PDE4B: variants seen among roughly 807,000 people sequenced by gnomAD.
The protein encoded by PDE4B is 3',5'-cyclic-AMP phosphodiesterase 4B.
In PDE4B, 20 loss-of-function variants were observed where a neutral mutation model predicts 82.2. The ratio of observed to expected loss-of-function variants is 0.24; its 90% CI spans 0.17 to 0.35. The LOEUF (loss-of-function observed/expected upper bound fraction) is 0.35, where lower values mean the gene tolerates loss of function less well. Ranked by LOEUF, PDE4B falls within the 10% of genes least tolerant of loss-of-function variation. The pLI is 1.00. For missense variants in PDE4B, 655 were observed against 907.2 expected (o/e 0.72, Z 3.57); for synonymous variants, 320 against 318.9 (o/e 1.00, Z -0.04).
chr1:66,354,554 C>T, intron 8 of PDE4B: 1 of 1,198,160 alleles, frequency 8.3e-7, no homozygotes, highest in East Asian at 4.2e-5. Context: ...TCAAACCAGC[C>T]AGCTGAATAC....
chr1:65,950,677 T>C (rs928861970), intron 3 of PDE4B, among the ~76,000 whole-genome samples: 3 of 152,018 alleles, frequency 2.0e-5, no homozygotes, highest in Non-Finnish European at 2.9e-5. Flanking sequence ...CAGGAGGTCA[T>C]TGGCTGAGTC....
chr1:65,928,579 C>T (rs978820555), intron 3 of PDE4B, among the ~76,000 whole-genome samples: 3 of 152,190 alleles, frequency 2.0e-5, no homozygotes, highest in African/African-American at 4.8e-5. Context: ...GCAGTTCCCA[C>T]TGTTAGATCT....
intron 3 of PDE4B, among the ~76,000 whole-genome samples, chr1:66,229,278 G>C (rs981172244): frequency 6.6e-6 from 1 of 152,064 alleles, no homozygotes; most frequent in Non-Finnish European, 1.5e-5. Flanking sequence ...CAAAGTGCTG[G>C]GATTACAGGC....
At chr1:66,005,009 C>T (rs1428804209) in intron 3 of PDE4B, among the ~76,000 whole-genome samples, 1 of 151,730 alleles carries the variant, frequency 6.6e-6, no homozygotes, top group Admixed American at 6.6e-5. Context: ...GGTTGAGAAG[C>T]ATGGGAAAAG....
intron 7 of PDE4B, among the ~76,000 whole-genome samples, chr1:66,283,162 TC>T (rs1656415524): frequency 6.6e-6 from 1 of 152,140 alleles, no homozygotes; most frequent in South Asian, 2.1e-4. Context: ...AGATCCCAGT[TC>T]TACTATTTTT....
At chr1:66,279,118 A>G (rs1323780729) in intron 7 of PDE4B, among the ~76,000 whole-genome samples, 1 of 152,114 alleles carries the variant, frequency 6.6e-6, no homozygotes, top group Non-Finnish European at 1.5e-5. Context: ...TAGGCCCCTT[A>G]AATCTAATTT....
intron 3 of PDE4B, among the ~76,000 whole-genome samples, chr1:66,196,879 T>C (rs1381870986): frequency 2.6e-5 from 4 of 151,112 alleles, no homozygotes; most frequent in Non-Finnish European, 2.9e-5. Flanking sequence ...TTAGTGGGGG[T>C]AGCGCACCAG....
In PDE4B at chr1:66,247,595, C is replaced by G. The variant is rs1040118161; in HGVS notation, c.417C>G (p.Asp139Glu). ...GAGAGTCATTTCTCTACAGATCAGA[C>G]AGCGACTATGACTTGTCACCAAAGG... is the stretch of plus-strand genomic sequence containing the variant. ...QRRESFLYRS[D>E]SDYDLSPKAM... Residue 139 changes from aspartate to glutamate, a missense_variant, in exon 4 of 17, where the codon GAC becomes GAG. Physicochemically the swap from Asp to Glu is conservative, Grantham distance 45 (BLOSUM62 2). This residue lies in a region of PDE4B where 253 missense variants were observed against 275.6 expected (regional missense o/e 0.92). Coordinates refer to ENST00000341517, the MANE Select transcript of PDE4B (RefSeq NM_002600.4). 4 of 1,609,484 alleles carry G rather than the reference C, an allele frequency of 2.5e-6. No individual in the cohort carries two copies. Among genetic ancestry groups the G allele is most frequent in the Non-Finnish European group, 3.4e-6 (4 of 1,177,664 alleles).
At chr1:65,809,097 G>A (rs1645789601) in intron 1 of PDE4B, among the ~76,000 whole-genome samples, 1 of 152,044 alleles carries the variant, frequency 6.6e-6, no homozygotes, top group Admixed American at 6.6e-5. Flanking sequence ...TTGGGATGCT[G>A]AGGCGGGTGG....
intron 8 of PDE4B, among the ~76,000 whole-genome samples, chr1:66,346,715 A>G (rs1325531669): frequency 6.6e-6 from 1 of 152,206 alleles, no homozygotes; most frequent in Non-Finnish European, 1.5e-5. Context: ...GAAGGTGTTC[A>G]AGTATCAAAG....
intron 7 of PDE4B, among the ~76,000 whole-genome samples, chr1:66,317,655 G>T (rs1444809691): frequency 1.3e-5 from 2 of 152,030 alleles, no homozygotes; most frequent in Admixed American, 6.5e-5. Flanking sequence ...CCAATACTGT[G>T]GGAGGCCAAG....
At chr1:65,876,013 A>G (rs1489044149) in intron 1 of PDE4B, among the ~76,000 whole-genome samples, 2 of 152,064 alleles carry the variant, frequency 1.3e-5, no homozygotes, top group Non-Finnish European at 2.9e-5. Context: ...TCTCATCTTC[A>G]TTCAATTGCT....
chr1:66,204,514 C>A (rs1282985464), intron 3 of PDE4B, among the ~76,000 whole-genome samples: 3 of 152,264 alleles, frequency 2.0e-5, no homozygotes, highest in African/African-American at 7.2e-5. Context: ...AGCTTCCTGG[C>A]TGCTTTGTTT....
chr1:65,955,646 G>T (rs938190017), intron 3 of PDE4B, among the ~76,000 whole-genome samples: 1 of 152,070 alleles, frequency 6.6e-6, no homozygotes, highest in Non-Finnish European at 1.5e-5. Context: ...CAAGAGCAGG[G>T]TGTTATCCTT....
intron 8 of PDE4B, among the ~76,000 whole-genome samples, chr1:66,333,757 T>A (rs1343073829): frequency 4.6e-5 from 7 of 152,114 alleles, no homozygotes; most frequent in Admixed American, 2.6e-4. Context: ...CAGTGTGTCC[T>A]CAGGAGATCC....
Position 65,918,579 on chromosome 1 carries a change from TC to T in PDE4B, c.43-15del, listed in dbSNP as rs1031416830. On this transcript the variant is annotated splice_polypyrimidine_tract_variant and intron_variant, in intron 2 of 16. Coordinates refer to ENST00000341517, the MANE Select transcript of PDE4B (RefSeq NM_002600.4). ...ATTTTCTTTCTCTTCTTTTTTTCTT[TC>T]CCTGTGGTTCCTCCAGAATGTTAAA... The T allele has an allele frequency of 2.9e-6, 4 of 1,377,292 alleles. No homozygotes were observed. Among genetic ancestry groups the T allele is most frequent in the Non-Finnish European group, 4.1e-6 (4 of 966,358 alleles). 85.3% of individuals were successfully genotyped at this position (1,377,292 alleles called of 1,614,324 possible). A position where few individuals can be genotyped will look rare whatever the true frequency, so the allele number is the denominator to read the frequency against.
intron 9 of PDE4B, 110 bp downstream of exon 9, chr1:66,355,730 G>T (rs1662184901): frequency 1.9e-6 from 1 of 516,108 alleles, no homozygotes; most frequent in Non-Finnish European, 3.5e-6. Context: ...TTGAGTCATA[G>T]AAAAATCCAT....
intron 3 of PDE4B, chr1:66,112,777 A>G (rs561675262): frequency 5.3e-5 from 8 of 152,308 alleles, no homozygotes; most frequent in South Asian, 4.1e-4. Flanking sequence ...CAGTTTACCA[A>G]TGGCTTCATG....
At chr1:65,843,546 A>G (rs1418192863) in intron 1 of PDE4B, among the ~76,000 whole-genome samples, 4 of 152,188 alleles carry the variant, frequency 2.6e-5, no homozygotes, top group Non-Finnish European at 4.4e-5. Flanking sequence ...GGGACATGGA[A>G]GAATGTTCAT....
Sources: gnomAD v4.1 joint callset for allele counts (sites outside exome capture counted in the v4.1 genomes callset) on GRCh38, gnomAD v4.1.1 for gene constraint, gnomAD v4.1.1 regional missense constraint, MANE v1.5 for transcripts, NCBI Gene and HGNC (gene_info 2026-07-23, HGNC 2026-07-21) for gene names.